The following ITPRIP variants were observed in gnomAD, a reference collection of about 807,000 sequenced individuals.
ITPRIP encodes the protein inositol 1,4,5-trisphosphate receptor interacting protein, also known as inositol 1,4,5-trisphosphate receptor-interacting protein.
ITPRIP carries 32 observed loss-of-function variants against 35.8 expected under a neutral mutation model. That is an observed-to-expected ratio of 0.89 (90% CI 0.68 to 1.20). ITPRIP has a LOEUF of 1.20. Ranked by LOEUF, ITPRIP falls within the 50% of genes most tolerant of loss-of-function variation. The probability of loss-of-function intolerance (pLI) is 0.00; values close to 1 mark genes in which losing one functional copy is unlikely to be tolerated. For missense variants in ITPRIP, 653 were observed against 735.6 expected (o/e 0.89, Z 1.30); for synonymous variants, 358 against 324.0 (o/e 1.11, Z -1.13).
In ITPRIP at chr10:104,313,045, G is replaced by T. The variant is rs1372591530; in HGVS notation, c.*1363C>A. ...CACAGAGCTTCTGCCAGGCTCTTTG[G>T]GTCTGGGTCATCTGTGTGGTCAGCA... On this transcript the variant is annotated 3_prime_UTR_variant, in exon 2 of 2. Coordinates refer to ENST00000337478, the MANE Select transcript of ITPRIP (RefSeq NM_001272013.2). The T allele has an allele frequency of 2.0e-6, 2 of 985,326 alleles. No homozygotes were observed. Among genetic ancestry groups the T allele is most frequent in the Non-Finnish European group, 2.4e-6 (2 of 830,010 alleles). The allele number at this position is 985,326 out of a possible 1,614,324, so 61.0% of individuals were successfully genotyped here. A position where few individuals can be genotyped will look rare whatever the true frequency, so the allele number is the denominator to read the frequency against.
intron 1 of ITPRIP, among the ~76,000 whole-genome samples, chr10:104,335,548 G>A (rs1404091417): frequency 6.6e-6 from 1 of 152,156 alleles, no homozygotes; most frequent in Non-Finnish European, 1.5e-5. Context: ...ATTAAGGAAA[G>A]TCACTTGATT....
intron 1 of ITPRIP, among the ~76,000 whole-genome samples, chr10:104,325,260 C>A (rs1035855046): frequency 1.1e-3 from 170 of 152,212 alleles, no homozygotes; most frequent in Non-Finnish European, 1.4e-3. Context: ...TAGTGGCCAC[C>A]CAGAGCCTGT....
At position 104,313,274 on chromosome 10, in the gene ITPRIP, C is replaced by T. The variant is rs2013535200; in HGVS notation, c.*1134G>A. On this transcript the variant is annotated 3_prime_UTR_variant, in exon 2 of 2. Coordinates refer to ENST00000337478, the MANE Select transcript of ITPRIP (RefSeq NM_001272013.2). ...TCTCTGCAACTTTCTCTGAACTGGGCCAGACTGCAAGCCAGACACCACCAC... is the reference window on the plus strand; with the variant it reads ...TCTCTGCAACTTTCTCTGAACTGGGTCAGACTGCAAGCCAGACACCACCAC... 2.0e-6 allele frequency: 2 copies of T among 985,674 alleles called. No individual in the cohort carries two copies. Among genetic ancestry groups the T allele is most frequent in the Non-Finnish European group, 2.4e-6 (2 of 830,210 alleles). The allele number at this position is 985,674 out of a possible 1,614,324, so 61.1% of individuals were successfully genotyped here.
In ITPRIP at chr10:104,315,699, C is replaced by T. The variant is rs780686857; in HGVS notation, c.353G>A (p.Gly118Asp). The change falls in exon 2 of 2, where the codon GGT (glycine) becomes GAT (aspartate). Residue 118 changes from glycine to aspartate, a missense_variant. Physicochemically the swap from Gly to Asp is moderately conservative, Grantham distance 94. Transcript: ENST00000337478. This position sits in a 1 kb window ranked among gnomAD's most constrained non-coding sequence, Gnocchi z 5.7. ...QEGPSPECLG[G>D]EEDELPGLGG... ...CAGCCCAGGCAGCTCATCCTCCTCACCGCCCAGGCACTCAGGTGAGGGCCC... is the reference window on the plus strand; with the variant it reads ...CAGCCCAGGCAGCTCATCCTCCTCATCGCCCAGGCACTCAGGTGAGGGCCC... The T allele has an allele frequency of 1.3e-5, 21 of 1,613,308 alleles. No individual in the cohort carries two copies. The highest frequency in any genetic ancestry group is 1.6e-4 in the Middle Eastern group (1 of 6,084).
intron 1 of ITPRIP, among the ~76,000 whole-genome samples, chr10:104,317,726 T>C (rs2013727172): frequency 6.6e-6 from 1 of 152,194 alleles, no homozygotes; most frequent in Admixed American, 6.5e-5. Context: ...CTGAGCCCCA[T>C]TCCCTTTGGC....
rs1390850731 is a variant in ITPRIP at position 104,312,296 on chromosome 10, T to C, written c.*2112A>G. 1.3e-5 allele frequency: 2 copies of C among 148,178 alleles called. No homozygotes were observed. The highest frequency in any genetic ancestry group is 5.2e-5 in the African/African-American group (2 of 38,646). 9.2% of individuals were successfully genotyped at this position (148,178 alleles called of 1,614,324 possible). A position where few individuals can be genotyped will look rare whatever the true frequency, so the allele number is the denominator to read the frequency against. ...TGTACACACAAGAAGCCAGAAGATA[T>C]TTTTTTTTCAGTGAACTTTCTCCTG... On this transcript the variant is annotated 3_prime_UTR_variant, in exon 2 of 2. Transcript: ENST00000337478.
At chr10:104,316,374 C>A (rs2013690826) in intron 1 of ITPRIP, among the ~76,000 whole-genome samples, 2 of 152,190 alleles carry the variant, frequency 1.3e-5, no homozygotes, top group Admixed American at 1.3e-4. Flanking sequence ...CACCTCCAAG[C>A]TCCTGGGGTG....
chr10:104,315,326 C>T lies in ITPRIP; in HGVS notation c.726G>A (p.Gln242=). Residue 242 remains glutamine (Q), a synonymous_variant, in exon 2 of 2, where the codon CAG becomes CAA. Coordinates refer to ENST00000337478, the MANE Select transcript of ITPRIP (RefSeq NM_001272013.2). This position sits in a 1 kb window ranked among gnomAD's most constrained non-coding sequence, Gnocchi z 5.7. ...CCCCATCGGCGCGGACCACCTTGAT[C>T]TGGCCGTAGCCCTGGCGATCCAGGG... ...SVPLDRQGYG[Q]IKVVRADGDT... 1 of 1,567,838 alleles carries T rather than the reference C, an allele frequency of 6.4e-7. No individual in the cohort carries two copies. Among genetic ancestry groups the T allele is most frequent in the Non-Finnish European group, 8.7e-7 (1 of 1,153,786 alleles).
intron 1 of ITPRIP, chr10:104,323,903 G>A (rs2013919780): frequency 6.5e-6 from 1 of 153,706 alleles, no homozygotes. Context: ...GCTCTTTACT[G>A]TGTCACCCAC....
At position 104,313,015 on chromosome 10, in the gene ITPRIP, C is replaced by T. The variant is rs539846462; in HGVS notation, c.*1393G>A. ...CCAGACCTGGAGACGGAGCCCAGCT[C>T]CAACCACAGAGCTTCTGCCAGGCTC... On this transcript the variant is annotated 3_prime_UTR_variant, in exon 2 of 2. Transcript: ENST00000337478. The T allele has an allele frequency of 1.0e-6, 1 of 985,440 alleles. No individual in the cohort carries two copies. Among genetic ancestry groups the T allele is most frequent in the Admixed American group, 6.1e-5 (1 of 16,282 alleles). The allele number at this position is 985,440 out of a possible 1,614,324, so 61.0% of individuals were successfully genotyped here.
intron 1 of ITPRIP, among the ~76,000 whole-genome samples, chr10:104,325,283 G>A (rs1013004088): frequency 6.6e-6 from 1 of 151,766 alleles, no homozygotes; most frequent in Non-Finnish European, 1.5e-5. Flanking sequence ...GCTCTGGTCT[G>A]CAACCCCCCA....
Position 104,314,592 on chromosome 10 carries a change from G to C in ITPRIP, c.1460C>G (p.Ala487Gly). 1.2e-6 allele frequency: 2 copies of C among 1,614,192 alleles called. No homozygotes were observed. The highest frequency in any genetic ancestry group is 1.7e-6 in the Non-Finnish European group (2 of 1,180,028). ...FFIGNRKVPEAMGLPEAVLRA... is the reference protein window; with the variant it reads ...FFIGNRKVPEGMGLPEAVLRA... Reference sequence around the variant, plus strand: ...GAGCACGGCCTCAGGGAGTCCCATGGCCTCAGGCACCTTGCGGTTGCCGAT... The same window carrying C: ...GAGCACGGCCTCAGGGAGTCCCATGCCCTCAGGCACCTTGCGGTTGCCGAT... Residue 487 changes from alanine to glycine, a missense_variant, in exon 2 of 2, where the codon GCC becomes GGC. Physicochemically the swap from Ala to Gly is moderately conservative, Grantham distance 60. Transcript: ENST00000337478.
rs2013497354 is a variant in ITPRIP, at chr10:104,311,919, GGCCCTTTCTGGA to G, written c.*2477_*2488del. ...ATCCACCCTACAGCCAGCTTTCAAA[GGCCCTTTCTGGA>G]GCCCTGCGGGCAGCACACAAGTTGC... On this transcript the variant is annotated 3_prime_UTR_variant, in exon 2 of 2. Transcript: ENST00000337478. The G allele has an allele frequency of 1.3e-5, 2 of 152,204 alleles. No individual in the cohort carries two copies. The highest frequency in any genetic ancestry group is 2.9e-5 in the Non-Finnish European group (2 of 68,042). 9.4% of individuals were successfully genotyped at this position (152,204 alleles called of 1,614,324 possible). A position where few individuals can be genotyped will look rare whatever the true frequency, so the allele number is the denominator to read the frequency against.
intron 1 of ITPRIP, among the ~76,000 whole-genome samples, chr10:104,321,950 T>C (rs1589890740): frequency 6.6e-6 from 1 of 152,166 alleles, no homozygotes; most frequent in South Asian, 2.1e-4. Context: ...CTTCAGGGCC[T>C]GCAGTGATGA....
Position 104,313,307 on chromosome 10 carries a change from A to C in ITPRIP, c.*1101T>G, listed in dbSNP as rs1023025982. On this transcript the variant is annotated 3_prime_UTR_variant, in exon 2 of 2. Transcript: ENST00000337478. ...CAAGCCAGACACCACCACCCCGGGT[A>C]GCATTTTTGAGCACCTCATCGAAGG... The C allele has an allele frequency of 2.0e-6, 2 of 985,914 alleles. No homozygotes were observed. The highest frequency in any genetic ancestry group is 6.1e-5 in the Admixed American group (1 of 16,268). The allele number at this position is 985,914 out of a possible 1,614,324, so 61.1% of individuals were successfully genotyped here. A position where few individuals can be genotyped will look rare whatever the true frequency, so the allele number is the denominator to read the frequency against.
At position 104,314,556 on chromosome 10, in the gene ITPRIP, G is replaced by A; in HGVS notation, c.1496C>T (p.Pro499Leu). The stretch of plus-strand genomic sequence containing the variant: ...GACGAAGGGCCGGAAGAGGTTGAGG[G>A]GCTCGGCCCTGAGCACGGCCTCAGG... ...GLPEAVLRAEPLNLFRPFVLQ... is the reference protein window; with the variant it reads ...GLPEAVLRAELLNLFRPFVLQ... The change falls in exon 2 of 2, where the codon CCC (proline) becomes CTC (leucine). Residue 499 changes from proline to leucine, a missense_variant. Coordinates refer to ENST00000337478, the MANE Select transcript of ITPRIP (RefSeq NM_001272013.2). The A allele has an allele frequency of 6.2e-7, 1 of 1,614,186 alleles. No homozygotes were observed. The highest frequency in any genetic ancestry group is 8.5e-7 in the Non-Finnish European group (1 of 1,180,028).
rs60388927 is a variant in ITPRIP at position 104,336,494 on chromosome 10, TGGG to T, written c.-14+1749_-14+1751del. ...CTTCTCCTGCCCAGTTATTTTTTTT[TGGG>T]GGGGGGGGGGCAGCGGGGCATTGGG... On this transcript the variant is annotated intron_variant, in intron 1 of 1. Coordinates refer to ENST00000337478, the MANE Select transcript of ITPRIP (RefSeq NM_001272013.2). Among the ~76,000 whole-genome samples, 380 of 74,656 alleles carry T rather than the reference TGGG, an allele frequency of 5.1e-3. 13 individuals are homozygous for T. Among genetic ancestry groups the T allele is most frequent in the African/African-American group, 0.015 (360 of 24,572 alleles). The allele number at this position is 74,656 out of a possible 152,430, so 49.0% of individuals were successfully genotyped here. A position where few individuals can be genotyped will look rare whatever the true frequency, so the allele number is the denominator to read the frequency against.
intron 1 of ITPRIP, among the ~76,000 whole-genome samples, chr10:104,317,628 G>A (rs2013725040): frequency 6.6e-6 from 1 of 152,186 alleles, no homozygotes; most frequent in South Asian, 2.1e-4. Flanking sequence ...CAAATCAGTT[G>A]AGGTCCTGAG....
At chr10:104,336,715 T>C (rs2014243087) in intron 1 of ITPRIP, among the ~76,000 whole-genome samples, 1 of 152,122 alleles carries the variant, frequency 6.6e-6, no homozygotes, top group Admixed American at 6.5e-5. Context: ...GACTCTTTCC[T>C]AACTGTTGAT....
Sources: allele counts gnomAD v4.1 joint callset (sites outside exome capture counted in the v4.1 genomes callset), GRCh38; gene constraint gnomAD v4.1.1; non-coding constraint Gnocchi (gnomAD v3.1); transcripts MANE v1.5; gene names NCBI Gene and HGNC (gene_info 2026-07-23, HGNC 2026-07-21).